Variants in SGCZ observed in about 807,000 individuals in gnomAD.
The protein encoded by SGCZ is zeta-sarcoglycan.
A neutral mutation model predicts 41.3 loss-of-function variants in SGCZ; 40 were observed. That is an observed-to-expected ratio of 0.97 (90% CI 0.75 to 1.26). SGCZ has a LOEUF of 1.26. SGCZ is among the 50% of genes most tolerant of loss of function. SGCZ has a pLI of 0.00. For missense variants in SGCZ, 552 were observed against 369.8 expected, an observed-to-expected ratio of 1.49 and a Z score of -4.04; for synonymous variants, 206 against 137.5, an observed-to-expected ratio of 1.50 and a Z score of -3.49.
intron 2 of SGCZ, among the ~76,000 whole-genome samples, chr8:14,344,091 G>A (rs1230236272): frequency 1.3e-5 from 2 of 152,072 alleles, no homozygotes; most frequent in African/African-American, 4.8e-5. Flanking sequence ...CTTTATTGAT[G>A]GGCACAGCGA....
At position 14,437,920 on chromosome 8, in the gene SGCZ, G is replaced by C. The variant is rs143382676; in HGVS notation, c.235-113716C>G. Among the ~76,000 whole-genome samples, 11 of 151,944 alleles carry C rather than the reference G, an allele frequency of 7.2e-5. No homozygotes were observed. In the East Asian group the frequency reaches 2.1e-3, roughly 29 times the overall value. ...GACCTATTTCATAGATGTAAAGCTA[G>C]ATGATTACCGATTTGTGTTGTAAAT... On this transcript the variant is annotated intron_variant, in intron 2 of 7. Transcript: ENST00000382080.
At position 14,410,124 on chromosome 8, in the gene SGCZ, C is replaced by A. The variant is rs1368877835; in HGVS notation, c.235-85920G>T. On this transcript the variant is annotated intron_variant, in intron 2 of 7. Coordinates refer to ENST00000382080, the MANE Select transcript of SGCZ (RefSeq NM_139167.4). The stretch of plus-strand genomic sequence containing the variant: ...AAAGGAATGCAAAACTCATTGTGAA[C>A]TGCGCATGCTAGGGATCTAGATTGT... Among the ~76,000 whole-genome samples the A allele has an allele frequency of 2.0e-5, 3 of 152,080 alleles. No individual in the cohort carries two copies. The East Asian group carries it at 5.8e-4, about 29-fold the overall frequency.
chr8:14,447,982 A>G (rs999043734), intron 2 of SGCZ, among the ~76,000 whole-genome samples: 17 of 152,204 alleles, frequency 1.1e-4, no homozygotes, highest in African/African-American at 4.1e-4. Context: ...GGAAATGTAC[A>G]TAGTGGTGAA....
chr8:14,671,063 T>C (rs906397520), intron 1 of SGCZ, among the ~76,000 whole-genome samples: 13 of 152,234 alleles, frequency 8.5e-5, no homozygotes, highest in Admixed American at 3.3e-4. Flanking sequence ...CCACTGCGCA[T>C]TCATTTTCCT....
At chr8:14,749,572 T>G (rs1297101816) in intron 1 of SGCZ, among the ~76,000 whole-genome samples, 1 of 152,194 alleles carries the variant, frequency 6.6e-6, no homozygotes, top group Non-Finnish European at 1.5e-5. Flanking sequence ...TTGTTGATTT[T>G]GTTGATGATA....
chr8:14,234,366 G>T (rs1806681342), intron 4 of SGCZ, among the ~76,000 whole-genome samples: 1 of 152,018 alleles, frequency 6.6e-6, no homozygotes, highest in Non-Finnish European at 1.5e-5. Context: ...AAAGAAAAAG[G>T]TGGGGTACAA....
intron 1 of SGCZ, among the ~76,000 whole-genome samples, chr8:14,923,526 C>A (rs1035514403): frequency 6.6e-6 from 1 of 152,064 alleles, no homozygotes. Context: ...GTACGAAACT[C>A]CCAGGACACA....
intron 1 of SGCZ, among the ~76,000 whole-genome samples, chr8:15,136,941 G>C (rs979967317): frequency 3.3e-5 from 5 of 152,274 alleles, no homozygotes; most frequent in South Asian, 2.1e-4. Flanking sequence ...GGAACAGTTT[G>C]GAGGGCTCAG....
chr8:14,465,897 T>C (rs1801034843), intron 2 of SGCZ, among the ~76,000 whole-genome samples: 1 of 151,884 alleles, frequency 6.6e-6, no homozygotes, highest in Admixed American at 6.6e-5. Flanking sequence ...AAACAAAATG[T>C]AAGTTACAAC....
chr8:14,951,649 A>G (rs1240591411), intron 1 of SGCZ, among the ~76,000 whole-genome samples: 7 of 152,182 alleles, frequency 4.6e-5, no homozygotes, highest in East Asian at 1.9e-4. Flanking sequence ...TGACTAAATG[A>G]TCATTTGTAA....
intron 2 of SGCZ, among the ~76,000 whole-genome samples, chr8:14,375,806 A>C (rs1312140909): frequency 6.6e-6 from 1 of 152,208 alleles, no homozygotes; most frequent in African/African-American, 2.4e-5. Flanking sequence ...CCCAAATTAA[A>C]ATCAGAAGCA....
intron 5 of SGCZ, among the ~76,000 whole-genome samples, chr8:14,163,737 G>C (rs773719575): frequency 6.6e-6 from 1 of 152,114 alleles, no homozygotes; most frequent in Non-Finnish European, 1.5e-5. Flanking sequence ...TTCTTCAATT[G>C]CCATGCTAAC....
chr8:15,020,856 CA>C (rs1201951550), intron 1 of SGCZ, among the ~76,000 whole-genome samples: 1 of 152,154 alleles, frequency 6.6e-6, no homozygotes, highest in Admixed American at 6.5e-5. Context: ...ATTCTGTCAA[CA>C]TGAAGATGTC....
intron 1 of SGCZ, among the ~76,000 whole-genome samples, chr8:14,922,811 G>T (rs373472992): frequency 6.6e-6 from 1 of 152,108 alleles, no homozygotes; most frequent in African/African-American, 2.4e-5. Flanking sequence ...CAAAACAAAT[G>T]TTACCATAAA....
intron 4 of SGCZ, among the ~76,000 whole-genome samples, chr8:14,235,687 T>A (rs911691246): frequency 2.6e-5 from 4 of 152,160 alleles, no homozygotes; most frequent in Admixed American, 6.5e-5. Context: ...TTGGTGCACT[T>A]AATTTACGTT....
intron 1 of SGCZ, among the ~76,000 whole-genome samples, chr8:14,748,706 GAACAA>G (rs2130308577): frequency 6.6e-6 from 1 of 152,224 alleles, no homozygotes; most frequent in African/African-American, 2.4e-5. Context: ...TAAGAAATGT[GAACAA>G]ATTAAATGGC....
At chr8:14,648,598 G>T (rs1440595120) in intron 1 of SGCZ, among the ~76,000 whole-genome samples, 5 of 151,820 alleles carry the variant, frequency 3.3e-5, no homozygotes, top group South Asian at 2.1e-4. Flanking sequence ...CAAAGAAAAG[G>T]TTTTTTGTTT....
At chr8:14,460,929 A>G (rs1215977510) in intron 2 of SGCZ, among the ~76,000 whole-genome samples, 2 of 152,214 alleles carry the variant, frequency 1.3e-5, no homozygotes, top group African/African-American at 4.8e-5. Context: ...TGTTAAAATC[A>G]GACATCTATA....
chr8:14,164,901 T>C, intron 4 of SGCZ, 199 bp from the exon 5 acceptor site: 1 of 627,614 alleles, frequency 1.6e-6, no homozygotes, highest in Non-Finnish European at 2.6e-6. Context: ...GCTAGGCTGG[T>C]TAGGCATACA....
Sources: allele counts gnomAD v4.1 joint callset (sites outside exome capture counted in the v4.1 genomes callset), GRCh38; gene constraint gnomAD v4.1.1; transcripts MANE v1.5; gene names NCBI Gene and HGNC (gene_info 2026-07-23, HGNC 2026-07-21).